SNTG1: variants seen among roughly 807,000 people sequenced by gnomAD.
The protein encoded by SNTG1 is syntrophin gamma 1.
In SNTG1, 39 loss-of-function variants were observed where a neutral mutation model predicts 74.7. The observed-to-expected ratio is 0.52, with a 90% CI of 0.40 to 0.68. The LOEUF is 0.68. Ranked by LOEUF, SNTG1 falls within the 30% of genes least tolerant of loss-of-function variation. SNTG1 has a pLI of 0.00. For missense variants in SNTG1, 685 were observed against 609.5 expected (o/e 1.12, Z -1.30); for synonymous variants, 254 against 217.1 (o/e 1.17, Z -1.49).
At chr8:50,507,015 A>C (rs772186521) in intron 9 of SNTG1, among the ~76,000 whole-genome samples, 1 of 151,996 alleles carries the variant, frequency 6.6e-6, no homozygotes, top group South Asian at 2.1e-4. Context: ...AAAATGTATT[A>C]TGTTTTAAAT....
At chr8:50,755,707 TTCCATC>T (rs1370103230) in intron 18 of SNTG1, among the ~76,000 whole-genome samples, 2 of 152,060 alleles carry the variant, frequency 1.3e-5, no homozygotes, top group East Asian at 3.9e-4. Context: ...TTGTAGAACT[TTCCATC>T]TCCATCACCA....
At chr8:50,036,279 A>G (rs954380596) in intron 1 of SNTG1, among the ~76,000 whole-genome samples, 4 of 152,182 alleles carry the variant, frequency 2.6e-5, no homozygotes. Context: ...GACAACTATG[A>G]CGTCTCTATG....
rs557664595 is a variant in SNTG1 at position 50,261,552 on chromosome 8, T to G, written c.-28+88917T>G. ...AACAGATTACTACTAATCTGTTAGT[T>G]GCTACTAATTATTAGCAACAATGTA... On this transcript the variant is annotated intron_variant, in intron 2 of 18. Coordinates refer to ENST00000642720, the MANE Select transcript of SNTG1 (RefSeq NM_018967.5). 3.3e-5 allele frequency among the ~76,000 whole-genome samples: 5 copies of G among 152,258 alleles called. No homozygotes were observed. The East Asian group carries it at 9.7e-4, about 29-fold the overall frequency.
intron 1 of SNTG1, among the ~76,000 whole-genome samples, chr8:49,920,074 A>G (rs1444033795): frequency 6.6e-6 from 1 of 152,092 alleles, no homozygotes; most frequent in Non-Finnish European, 1.5e-5. Context: ...TTAAGCGATT[A>G]GAGAAAACTA....
At chr8:50,619,005 T>C (rs568351533) in intron 13 of SNTG1, among the ~76,000 whole-genome samples, 3 of 152,242 alleles carry the variant, frequency 2.0e-5, no homozygotes, top group African/African-American at 4.8e-5. Flanking sequence ...GCATTTTCCC[T>C]AGTCTGTCTT....
chr8:50,517,045 G>T (rs1023745936), intron 9 of SNTG1, among the ~76,000 whole-genome samples: 20 of 152,228 alleles, frequency 1.3e-4, no homozygotes, highest in Non-Finnish European at 2.8e-4. Flanking sequence ...CAGCCAGAGA[G>T]AAAGGTCGTG....
chr8:50,598,274 TGA>T (rs1298173620), intron 13 of SNTG1, among the ~76,000 whole-genome samples: 6 of 151,884 alleles, frequency 4.0e-5, no homozygotes, highest in Non-Finnish European at 1.5e-5. Context: ...TTGTGTGTGG[TGA>T]GAGATAGGGG....
rs1224961884 is a variant in SNTG1 at position 50,381,700 on chromosome 8, GT to G, written c.-27-12510del. Among the ~76,000 whole-genome samples the G allele has an allele frequency of 4.2e-5, 5 of 117,890 alleles. No individual in the cohort carries two copies. The Admixed American group carries it at 4.6e-4, about 11-fold the overall frequency. The allele number at this position is 117,890 out of a possible 152,430, so 77.3% of individuals were successfully genotyped here. A position where few individuals can be genotyped will look rare whatever the true frequency, so the allele number is the denominator to read the frequency against. The stretch of plus-strand genomic sequence containing the variant: ...TATATAGGATATATATATCCTATTA[GT>G]TATATATATATATAGGATATATATA... On this transcript the variant is annotated intron_variant, in intron 2 of 18. Coordinates refer to ENST00000642720, the MANE Select transcript of SNTG1 (RefSeq NM_018967.5).
intron 2 of SNTG1, among the ~76,000 whole-genome samples, chr8:50,285,737 A>G (rs1179704218): frequency 2.0e-5 from 3 of 151,886 alleles, no homozygotes; most frequent in Non-Finnish European, 4.4e-5. Flanking sequence ...CTTTTTCTCC[A>G]ATGGAATTTA....
chr8:50,034,142 C>T (rs17758599), intron 1 of SNTG1, among the ~76,000 whole-genome samples: 81,543 of 152,068 alleles, frequency 0.54, 24,470 homozygotes, highest in East Asian at 0.84. Flanking sequence ...ACATTTCTCT[C>T]AGGATCTGGA....
At chr8:50,020,585 T>A (rs1376763927) in intron 1 of SNTG1, among the ~76,000 whole-genome samples, 1 of 152,172 alleles carries the variant, frequency 6.6e-6, no homozygotes, top group African/African-American at 2.4e-5. Context: ...TTTAGGCACA[T>A]CATTAATCTG....
chr8:50,187,611 A>G (rs139855209), intron 2 of SNTG1, among the ~76,000 whole-genome samples: 2 of 152,280 alleles, frequency 1.3e-5, no homozygotes, highest in African/African-American at 4.8e-5. Flanking sequence ...AAACCCATAC[A>G]TATATAAACT....
chr8:50,162,528 C>T (rs1211877564), intron 1 of SNTG1, among the ~76,000 whole-genome samples: 12 of 144,972 alleles, frequency 8.3e-5, no homozygotes, highest in African/African-American at 3.1e-4. Context: ...CGCCACTGCA[C>T]TCCAGCCTGG....
intron 18 of SNTG1, among the ~76,000 whole-genome samples, chr8:50,763,737 G>T (rs998359849): frequency 1.4e-4 from 20 of 144,632 alleles, no homozygotes; most frequent in Non-Finnish European, 2.6e-4. Flanking sequence ...TTCAGGGATT[G>T]GAAAAATTAA....
At position 50,474,379 on chromosome 8, in the gene SNTG1, GA is replaced by G. The variant is rs1349556597; in HGVS notation, c.363+23662del. 4.5e-3 allele frequency among the ~76,000 whole-genome samples: 594 copies of G among 131,116 alleles called. 4 individuals carry two copies. The highest frequency in any genetic ancestry group is 0.012 in the African/African-American group (441 of 35,694). 86.0% of individuals were successfully genotyped at this position (131,116 alleles called of 152,430 possible). A position where few individuals can be genotyped will look rare whatever the true frequency, so the allele number is the denominator to read the frequency against. ...ACAATGAACTCAAACAAATTTACAA[GA>G]AAAAAAAAAAACAACCCCATCAAAA... On this transcript the variant is annotated intron_variant, in intron 8 of 18. Coordinates refer to ENST00000642720, the MANE Select transcript of SNTG1 (RefSeq NM_018967.5).
intron 11 of SNTG1, among the ~76,000 whole-genome samples, chr8:50,551,867 C>T (rs898303784): frequency 2.0e-5 from 3 of 152,072 alleles, no homozygotes; most frequent in Non-Finnish European, 4.4e-5. Flanking sequence ...ATAATTTGAA[C>T]CCTCAGAGTC....
At position 50,394,257 on chromosome 8, in the gene SNTG1, T is replaced by C. The variant is rs1484253896; in HGVS notation, c.19T>C (p.Cys7Arg). 4 of 1,612,940 alleles carry C rather than the reference T, an allele frequency of 2.5e-6. No homozygotes were observed. Among genetic ancestry groups the C allele is most frequent in the Non-Finnish European group, 3.4e-6 (4 of 1,179,398 alleles). The change falls in exon 3 of 19, where the codon TGT (cysteine) becomes CGT (arginine). Residue 7 changes from cysteine to arginine, a missense_variant. Physicochemically the swap from Cys to Arg is radical, Grantham distance 180. Transcript: ENST00000642720. ...ACAGCACATGGATTTCAGAACCGCC[T>C]GTGAGGAGGTGAGTACAGAGCTTTC... Reference protein sequence around the residue: MDFRTACEETKTGICLL... With the variant: MDFRTAREETKTGICLL...
intron 1 of SNTG1, among the ~76,000 whole-genome samples, chr8:49,950,994 T>G (rs1430142350): frequency 1.3e-5 from 2 of 152,240 alleles, no homozygotes; most frequent in Non-Finnish European, 2.9e-5. Context: ...GAACAATACC[T>G]AAAACGTCTT....
chr8:50,729,983 G>A (rs1308871312), intron 17 of SNTG1, among the ~76,000 whole-genome samples: 5 of 152,128 alleles, frequency 3.3e-5, no homozygotes, highest in African/African-American at 1.2e-4. Flanking sequence ...CTGACCTGGA[G>A]GGAGCACCCC....
Sources: gnomAD v4.1 joint callset for allele counts (sites outside exome capture counted in the v4.1 genomes callset) on GRCh38, gnomAD v4.1.1 for gene constraint, MANE v1.5 for transcripts, NCBI Gene and HGNC (gene_info 2026-07-23, HGNC 2026-07-21) for gene names.